Variants in KREMEN2 observed in about 807,000 individuals in gnomAD.
KREMEN2 encodes the protein kringle containing transmembrane protein 2, also known as kremen protein 2.
A neutral mutation model predicts 49.8 loss-of-function variants in KREMEN2; 43 were observed. That is an observed-to-expected ratio of 0.86 (90% CI 0.68 to 1.11). KREMEN2 has a LOEUF of 1.11. KREMEN2 is among the 50% of genes most tolerant of loss of function. The pLI, the probability that KREMEN2 is intolerant of heterozygous loss-of-function variation, is 0.00. For synonymous variants in KREMEN2, 355 were observed against 304.9 expected (o/e 1.16, Z -1.71); for missense variants, 686 against 665.7 (o/e 1.03, Z -0.34).
intron 2 of KREMEN2, among the ~76,000 whole-genome samples, chr16:2,965,832 G>A (rs1384599954): frequency 2.0e-5 from 3 of 152,028 alleles, no homozygotes; most frequent in Non-Finnish European, 4.4e-5. Flanking sequence ...GCCGGGTGGG[G>A]GTGAAGAATA....
At position 2,964,590 on chromosome 16, in the gene KREMEN2, T is replaced by TA. The variant is rs1418636634; in HGVS notation, c.70_71insA (p.Ser24TyrfsTer20). ...CCCGCTGCTGCAGCCGCGTGGGGCC[T>TA]CGGCTGGGAGCCTGCACAGTCCAGG... On this transcript the variant is annotated frameshift_variant, in exon 1 of 9. Coordinates refer to ENST00000303746, the MANE Select transcript of KREMEN2 (RefSeq NM_172229.3). LOFTEE classifies it high-confidence loss of function. The TA allele has an allele frequency of 6.2e-7, 1 of 1,608,068 alleles. No individual in the cohort carries two copies. Among genetic ancestry groups the TA allele is most frequent in the East Asian group, 2.3e-5 (1 of 44,430 alleles).
In KREMEN2 at chr16:2,965,021, A is replaced by G; in HGVS notation, c.257A>G (p.His86Arg). The G allele has an allele frequency of 6.5e-7, 1 of 1,545,644 alleles. No homozygotes were observed. The highest frequency in any genetic ancestry group is 8.7e-7 in the Non-Finnish European group (1 of 1,148,100). Reference sequence around the variant, plus strand: ...CACGGCCGCTGGGGGCTGGGCGCGCACAACTTCTGCCGGTGAGGGGCGGGG... The same window carrying G: ...CACGGCCGCTGGGGGCTGGGCGCGCGCAACTTCTGCCGGTGAGGGGCGGGG... ...DPHGRWGLGA[H>R]NFCRNPDGDV... Residue 86 changes from histidine (H) to arginine (R), a missense_variant, in exon 2 of 9, where the codon CAC becomes CGC. Physicochemically the swap from His to Arg is conservative, Grantham distance 29 (BLOSUM62 0). Transcript: ENST00000303746.
In KREMEN2 at chr16:2,968,029, C is replaced by A; in HGVS notation, c.*9C>A. ...TCATCTCCGCTCTCTGACTCTGGGC[C>A]CCGAGGGTCCGCTGGGCCCGCCGCC... is the stretch of plus-strand genomic sequence containing the variant. On this transcript the variant is annotated 3_prime_UTR_variant, in exon 9 of 9. Coordinates refer to ENST00000303746, the MANE Select transcript of KREMEN2 (RefSeq NM_172229.3). The A allele has an allele frequency of 6.5e-7, 1 of 1,544,164 alleles. No individual in the cohort carries two copies. Among genetic ancestry groups the A allele is most frequent in the Non-Finnish European group, 8.7e-7 (1 of 1,151,256 alleles).
In KREMEN2 at chr16:2,964,930, G is replaced by A; in HGVS notation, c.166G>A (p.Ala56Thr). ...CCAGAACCGCACTGGCCCGCGCGGG[G>A]CGGGCCGCCCGTGCCTCTTCTGGGA... ...GHQNRTGPRG[A>T]GRPCLFWDQT... is the part of the protein sequence containing the mutation. The change falls in exon 2 of 9, where the codon GCG becomes ACG. Residue 56 changes from alanine (A) to threonine (T), a missense_variant. Transcript: ENST00000303746. 3 of 1,602,416 alleles carry A rather than the reference G, an allele frequency of 1.9e-6. No homozygotes were observed. The highest frequency in any genetic ancestry group is 2.6e-6 in the Non-Finnish European group (3 of 1,175,302).
At position 2,967,093 on chromosome 16, in the gene KREMEN2, G is replaced by A; in HGVS notation, c.824G>A (p.Arg275His). 6.7e-7 allele frequency: 1 copy of A among 1,495,614 alleles called. No homozygotes were observed. Among genetic ancestry groups the A allele is most frequent in the East Asian group, 2.7e-5 (1 of 36,424 alleles). The allele number at this position is 1,495,614 out of a possible 1,614,324, so 92.6% of individuals were successfully genotyped here. A position where few individuals can be genotyped will look rare whatever the true frequency, so the allele number is the denominator to read the frequency against. The change falls in exon 6 of 9, where the codon CGC (arginine) becomes CAC (histidine). Residue 275 changes from arginine (R) to histidine (H), a missense_variant. Physicochemically the swap from Arg to His is conservative, Grantham distance 29. Transcript: ENST00000303746. ...LADPRDRLELRDAASGSLLRA... is the reference protein window; with the variant it reads ...LADPRDRLELHDAASGSLLRA... ...GACCCGCGCGACCGGCTGGAGCTGC[G>A]CGACGCGGCTTCGGGCAGCCTGCTC...
chr16:2,966,534 G>A lies in KREMEN2; in HGVS notation c.486+85G>A. ...TCCCAACACTCGGTTGCCAAACCCA[G>A]ACACCGGTTTCTGAACCTCCAGCCC... On this transcript the variant is annotated intron_variant, in intron 4 of 8. Coordinates refer to ENST00000303746, the MANE Select transcript of KREMEN2 (RefSeq NM_172229.3). This position sits in a 1 kb window ranked among gnomAD's most constrained non-coding sequence, Gnocchi z 8.4. 6.3e-7 allele frequency: 1 copy of A among 1,587,564 alleles called. No individual in the cohort carries two copies. Among genetic ancestry groups the A allele is most frequent in the Non-Finnish European group, 8.5e-7 (1 of 1,171,348 alleles).
chr16:2,968,103 C>A lies in KREMEN2; in HGVS notation c.*83C>A. 12 of 1,400,844 alleles carry A rather than the reference C, an allele frequency of 8.6e-6. No homozygotes were observed. In the South Asian group the frequency reaches 1.2e-4, roughly 14 times the overall value. The allele number at this position is 1,400,844 out of a possible 1,614,324, so 86.8% of individuals were successfully genotyped here. ...TGTGCTGCGCCCTGCCTCGGCCTTG[C>A]GCCTGTGTAGGGGCAGCTCGGCCTC... On this transcript the variant is annotated 3_prime_UTR_variant, in exon 9 of 9. Coordinates refer to ENST00000303746, the MANE Select transcript of KREMEN2 (RefSeq NM_172229.3).
chr16:2,964,803 C>A, intron 1 of KREMEN2, 56 bp from the exon 2 acceptor site: 2 of 1,579,248 alleles, frequency 1.3e-6, no homozygotes, highest in Non-Finnish European at 1.7e-6. Context: ...GGCGTAGGGG[C>A]GCGAGGATGC....
intron 2 of KREMEN2, among the ~76,000 whole-genome samples, chr16:2,965,304 G>A (rs1040309760): frequency 6.6e-6 from 1 of 152,158 alleles, no homozygotes; most frequent in South Asian, 2.1e-4. Flanking sequence ...GCACTCAAAG[G>A]ACCCGTATGG....
chr16:2,964,984 G>A lies in KREMEN2; in HGVS notation c.220G>A (p.Ala74Thr), dbSNP rs747665772. Residue 74 changes from alanine to threonine, a missense_variant, in exon 2 of 9, where the codon GCC (alanine) becomes ACC (threonine). Physicochemically the swap from Ala to Thr is moderately conservative, Grantham distance 58. Transcript: ENST00000303746. Reference sequence around the variant, plus strand: ...GACGCAGCAACACAGCTACAGCAGCGCCAGCGACCCCCACGGCCGCTGGGG... The same window carrying A: ...GACGCAGCAACACAGCTACAGCAGCACCAGCGACCCCCACGGCCGCTGGGG... Reference protein sequence around the residue: ...DQTQQHSYSSASDPHGRWGLG... With the variant: ...DQTQQHSYSSTSDPHGRWGLG... The A allele has an allele frequency of 1.3e-6, 2 of 1,572,308 alleles. No homozygotes were observed. The highest frequency in any genetic ancestry group is 1.9e-5 in the Admixed American group (1 of 53,470).
chr16:2,967,918 C>T lies in KREMEN2; in HGVS notation c.1287C>T (p.Pro429=). Residue 429 remains proline, a synonymous_variant, in exon 9 of 9, where the codon CCC becomes CCT. Transcript: ENST00000303746. ...WYQQPRGVAL[P]CSPGDPQAEG... ...AACAGCCCCGAGGGGTGGCCTTGCC[C>T]TGCTCCCCCGGGGACCCCCAGGCTG... 1 of 1,571,318 alleles carries T rather than the reference C, an allele frequency of 6.4e-7. No individual in the cohort carries two copies. The highest frequency in any genetic ancestry group is 8.6e-7 in the Non-Finnish European group (1 of 1,159,456).
rs1474832316 is a variant in KREMEN2 at position 2,964,538 on chromosome 16, G to A, written c.18G>A (p.Leu6=). 9 of 1,601,378 alleles carry A rather than the reference G, an allele frequency of 5.6e-6. No homozygotes were observed. The highest frequency in any genetic ancestry group is 8.5e-7 in the Non-Finnish European group (1 of 1,174,230). Residue 6 remains leucine (L), a synonymous_variant, in exon 1 of 9, where the codon CTG becomes CTA. Coordinates refer to ENST00000303746, the MANE Select transcript of KREMEN2 (RefSeq NM_172229.3). ...TGAGAGCGATGGGGACACAAGCCCT[G>A]CAGGGCTTCCTCTTTCTCCTCTTCC... MGTQA[L]QGFLFLLFLP... is the part of the protein sequence containing the mutation.
Position 2,966,174 on chromosome 16 carries a change from G to C in KREMEN2, c.304G>C (p.Val102Leu). 6.2e-7 allele frequency: 1 copy of C among 1,612,634 alleles called. No individual in the cohort carries two copies. The highest frequency in any genetic ancestry group is 1.9e-4 in the Middle Eastern group (1 of 5,392). Residue 102 changes from valine (V) to leucine (L), a missense_variant, in exon 3 of 9, where the codon GTG (valine) becomes CTG (leucine). By Grantham distance (32) the Val-to-Leu change is conservative. Transcript: ENST00000303746. The surrounding 1 kb of genome is among the most constrained non-coding windows in gnomAD (Gnocchi z 8.4). ...CGGTGACGTGCAGCCGTGGTGCTAC[G>C]TGGCTGAGACAGAGGAGGGCATCTA... ...PDGDVQPWCY[V>L]AETEEGIYWR... is the part of the protein sequence containing the mutation.
Position 2,966,553 on chromosome 16 carries a change from C to T in KREMEN2, c.487-89C>T, listed in dbSNP as rs2151055857. ...AACCCAGACACCGGTTTCTGAACCT[C>T]CAGCCCGATTCCCACCCCGACCCCA... On this transcript the variant is annotated intron_variant, in intron 4 of 8. Transcript: ENST00000303746. The surrounding 1 kb of genome is among the most constrained non-coding windows in gnomAD (Gnocchi z 8.4). The T allele has an allele frequency of 6.4e-7, 1 of 1,567,804 alleles. No homozygotes were observed. Among genetic ancestry groups the T allele is most frequent in the Non-Finnish European group, 8.6e-7 (1 of 1,161,546 alleles).
Position 2,964,563 on chromosome 16 carries a change from C to G in KREMEN2, c.43C>G (p.Leu15Val). 6.2e-7 allele frequency: 1 copy of G among 1,608,504 alleles called. No homozygotes were observed. Reference sequence around the variant, plus strand: ...GCAGGGCTTCCTCTTTCTCCTCTTCCTCCCGCTGCTGCAGCCGCGTGGGGC... The same window carrying G: ...GCAGGGCTTCCTCTTTCTCCTCTTCGTCCCGCTGCTGCAGCCGCGTGGGGC... ...ALQGFLFLLFLPLLQPRGASA... is the reference protein window; with the variant it reads ...ALQGFLFLLFVPLLQPRGASA... The change falls in exon 1 of 9, where the codon CTC becomes GTC. Residue 15 changes from leucine to valine, a missense_variant. Coordinates refer to ENST00000303746, the MANE Select transcript of KREMEN2 (RefSeq NM_172229.3).
Position 2,964,592 on chromosome 16 carries a change from G to C in KREMEN2, c.72G>C (p.Ser24=). The change falls in exon 1 of 9, where the codon TCG becomes TCC. Residue 24 remains serine (S), a synonymous_variant. Transcript: ENST00000303746. ...FLPLLQPRGA[S]AGSLHSPGLS... ...CGCTGCTGCAGCCGCGTGGGGCCTC[G>C]GCTGGGAGCCTGCACAGTCCAGGTA... 1.2e-6 allele frequency: 2 copies of C among 1,608,066 alleles called. No individual in the cohort carries two copies. The highest frequency in any genetic ancestry group is 3.4e-5 in the Admixed American group (2 of 59,350).
intron 2 of KREMEN2, among the ~76,000 whole-genome samples, chr16:2,965,739 C>G (rs1255060494): frequency 6.8e-6 from 1 of 147,452 alleles, no homozygotes; most frequent in Non-Finnish European, 1.5e-5. Context: ...CCAATGCACT[C>G]TAGCCTGGGT....
In KREMEN2 at chr16:2,967,863, GC is replaced by G; in HGVS notation, c.1236del (p.Arg413GlyfsTer35). ...CCCCCGGCGCTGGGGGCTTCCAGGG[GC>G]CCCAGGAGAAGCTGGGCTGTGTGGT... ...KGPPALGASR[G>X]PRRSWAVWYQ... On this transcript the variant is annotated frameshift_variant, in exon 9 of 9. Coordinates refer to ENST00000303746, the MANE Select transcript of KREMEN2 (RefSeq NM_172229.3). LOFTEE classifies it high-confidence loss of function. The G allele has an allele frequency of 6.4e-7, 1 of 1,553,802 alleles. No homozygotes were observed. The highest frequency in any genetic ancestry group is 8.7e-7 in the Non-Finnish European group (1 of 1,149,134).
rs754678354 is a variant in KREMEN2, at chr16:2,966,642, C to G, written c.487C>G (p.Leu163Val). The G allele has an allele frequency of 1.2e-6, 2 of 1,609,134 alleles. No homozygotes were observed. The highest frequency in any genetic ancestry group is 2.2e-5 in the East Asian group (1 of 44,870). The change falls in exon 5 of 9, where the codon CTG becomes GTG. Residue 163 changes from leucine (L) to valine (V), a missense_variant and splice_region_variant. Physicochemically the swap from Leu to Val is conservative, Grantham distance 32. Coordinates refer to ENST00000303746, the MANE Select transcript of KREMEN2 (RefSeq NM_172229.3). The surrounding 1 kb of genome is among the most constrained non-coding windows in gnomAD (Gnocchi z 8.4). ...GGGGTCACCCAGTCTGTGCTCCCAG[C>G]TGGCGGGCGTGGAGGCCGGTTACGC... ...LRFCRMKGYQ[L>V]AGVEAGYACF...
Sources: gnomAD v4.1 joint callset for allele counts (sites outside exome capture counted in the v4.1 genomes callset) on GRCh38, gnomAD v4.1.1 for gene constraint, Gnocchi (gnomAD v3.1) non-coding constraint, MANE v1.5 for transcripts, NCBI Gene and HGNC (gene_info 2026-07-23, HGNC 2026-07-21) for gene names.